SIPA1L2: variants seen among roughly 807,000 people sequenced by gnomAD.
SIPA1L2 encodes the protein signal induced proliferation associated 1 like 2.
A neutral mutation model predicts 163.9 loss-of-function variants in SIPA1L2; 56 were observed. The ratio of observed to expected loss-of-function variants is 0.34; its 90% CI spans 0.28 to 0.43. The LOEUF (loss-of-function observed/expected upper bound fraction) is 0.43. Ranked by LOEUF, SIPA1L2 falls within the 20% of genes least tolerant of loss-of-function variation. The pLI, the probability that SIPA1L2 is intolerant of heterozygous loss-of-function variation, is 1.00. For missense variants in SIPA1L2, 1,974 were observed against 2,193.5 expected (o/e 0.90, Z 2.00); for synonymous variants, 877 against 865.7 (o/e 1.01, Z -0.23).
At chr1:232,434,128 C>T (rs1261703660) in intron 15 of SIPA1L2, among the ~76,000 whole-genome samples, 1 of 152,206 alleles carries the variant, frequency 6.6e-6, no homozygotes, top group African/African-American at 2.4e-5. Flanking sequence ...CGGTAGCAAG[C>T]TCCTCCAGTA....
chr1:232,554,925 A>C (rs1278618761), intron 2 of SIPA1L2, among the ~76,000 whole-genome samples: 1 of 152,250 alleles, frequency 6.6e-6, no homozygotes, highest in Non-Finnish European at 1.5e-5. Flanking sequence ...GCAAAATTAA[A>C]TGTCCCTTTC....
At chr1:232,599,702 C>A (rs10752794) in intron 1 of SIPA1L2, among the ~76,000 whole-genome samples, 1 of 151,898 alleles carries the variant, frequency 6.6e-6, no homozygotes. Flanking sequence ...CTGCTGTAGC[C>A]CCGGGCAAAG....
Position 232,590,603 on chromosome 1 carries a change from G to A in SIPA1L2, c.-318-16381C>T, listed in dbSNP as rs771617536. Among the ~76,000 whole-genome samples, 20 of 152,270 alleles carry A rather than the reference G, an allele frequency of 1.3e-4. No homozygotes were observed. In the East Asian group the frequency reaches 2.5e-3, roughly 19 times the overall value. ...CTCGGGCCCTACCTACTTCCTGAAC[G>A]GGAACATGGCTTAGAGAAGCACATG... On this transcript the variant is annotated intron_variant, in intron 1 of 22. Transcript: ENST00000674635.
In SIPA1L2 at chr1:232,399,021, C is replaced by A; in HGVS notation, c.*106G>T. 2 of 1,502,292 alleles carry A rather than the reference C, an allele frequency of 1.3e-6. No individual in the cohort carries two copies. Among genetic ancestry groups the A allele is most frequent in the South Asian group, 1.3e-5 (1 of 79,002 alleles). The allele number at this position is 1,502,292 out of a possible 1,614,324, so 93.1% of individuals were successfully genotyped here. A position where few individuals can be genotyped will look rare whatever the true frequency, so the allele number is the denominator to read the frequency against. On this transcript the variant is annotated 3_prime_UTR_variant, in exon 23 of 23. Transcript: ENST00000674635. ...AATGGTGCTACACAGAATGGAACAGCAAAAACATCTACGATTGGTTGAAAG... is the reference window on the plus strand; with the variant it reads ...AATGGTGCTACACAGAATGGAACAGAAAAAACATCTACGATTGGTTGAAAG...
At chr1:232,432,126 A>C in intron 16 of SIPA1L2, 121 bp downstream of exon 16, 1 of 790,812 alleles carries the variant, frequency 1.3e-6, no homozygotes, top group Non-Finnish European at 2.0e-6. Flanking sequence ...AGAGTTTAAG[A>C]AAGATGTTTT....
chr1:232,414,246 A>G (rs1283389360), intron 19 of SIPA1L2, among the ~76,000 whole-genome samples: 1 of 152,114 alleles, frequency 6.6e-6, no homozygotes, highest in Non-Finnish European at 1.5e-5. Context: ...GCTGCCTTTC[A>G]CCTACTTCCC....
chr1:232,620,482 T>C (rs1290110604), intron 1 of SIPA1L2, among the ~76,000 whole-genome samples: 1 of 152,220 alleles, frequency 6.6e-6, no homozygotes, highest in African/African-American at 2.4e-5. Context: ...AGGGCCTTGT[T>C]CCTCATTCCA....
chr1:232,402,905 T>C (rs1017479132), intron 21 of SIPA1L2: 1 of 169,400 alleles, frequency 5.9e-6, no homozygotes, highest in African/African-American at 2.4e-5. Flanking sequence ...AAGTTGGAAT[T>C]AAGAATGGAT....
intron 1 of SIPA1L2, among the ~76,000 whole-genome samples, chr1:232,611,645 G>C (rs1037842089): frequency 6.6e-6 from 1 of 152,216 alleles, no homozygotes; most frequent in African/African-American, 2.4e-5. Context: ...AGAGAATTTA[G>C]GGTATCCGGC....
chr1:232,542,927 T>C (rs116538570), intron 2 of SIPA1L2, among the ~76,000 whole-genome samples: 111 of 152,312 alleles, frequency 7.3e-4, no homozygotes, highest in African/African-American at 2.5e-3. Context: ...ACACTGGTAT[T>C]TGCACATGAC....
chr1:232,523,370 G>A (rs530109007), intron 2 of SIPA1L2, among the ~76,000 whole-genome samples: 1 of 152,258 alleles, frequency 6.6e-6, no homozygotes, highest in South Asian at 2.1e-4. Context: ...CTTCTCTCAG[G>A]AGGTTATTAG....
intron 2 of SIPA1L2, among the ~76,000 whole-genome samples, chr1:232,551,439 A>T (rs1658374606): frequency 6.6e-6 from 1 of 152,256 alleles, no homozygotes; most frequent in Non-Finnish European, 1.5e-5. Flanking sequence ...GGGAGGCCTA[A>T]TAACAAACTA....
At chr1:232,553,397 G>C (rs921110431) in intron 2 of SIPA1L2, among the ~76,000 whole-genome samples, 1 of 152,134 alleles carries the variant, frequency 6.6e-6, no homozygotes, top group Admixed American at 6.5e-5. Flanking sequence ...GGCGTAGTGG[G>C]CCAAAAGACA....
chr1:232,417,533 G>A (rs1315962155), intron 18 of SIPA1L2, among the ~76,000 whole-genome samples: 1 of 152,058 alleles, frequency 6.6e-6, no homozygotes, highest in Non-Finnish European at 1.5e-5. Flanking sequence ...AGTGGGAGGT[G>A]GGAAGGAGGG....
intron 17 of SIPA1L2, among the ~76,000 whole-genome samples, chr1:232,428,076 T>G (rs1043244514): frequency 9.9e-5 from 15 of 152,164 alleles, no homozygotes; most frequent in African/African-American, 3.4e-4. Context: ...ATGATCTCCT[T>G]TTTTCAGATG....
At chr1:232,569,040 G>A (rs542978783) in intron 2 of SIPA1L2, among the ~76,000 whole-genome samples, 3 of 152,274 alleles carry the variant, frequency 2.0e-5, no homozygotes, top group African/African-American at 7.2e-5. Flanking sequence ...TGCACTTACA[G>A]AAATTATTCG....
chr1:232,584,964 A>C (rs1355396438), intron 1 of SIPA1L2, among the ~76,000 whole-genome samples: 1 of 152,252 alleles, frequency 6.6e-6, no homozygotes, highest in South Asian at 2.1e-4. Flanking sequence ...GCTGATTTAC[A>C]TCAAACATTC....
At chr1:232,437,453 T>TA (rs559696113) in intron 15 of SIPA1L2, among the ~76,000 whole-genome samples, 14 of 152,114 alleles carry the variant, frequency 9.2e-5, no homozygotes, top group Non-Finnish European at 1.3e-4. Flanking sequence ...ATAGAACTGG[T>TA]AAAAAAAGTA....
chr1:232,605,551 G>A (rs893646720), intron 1 of SIPA1L2, among the ~76,000 whole-genome samples: 10 of 152,112 alleles, frequency 6.6e-5, no homozygotes, highest in African/African-American at 1.7e-4. Context: ...AAAATTAGCC[G>A]GGCATGGTGG....
Sources: allele counts gnomAD v4.1 joint callset (sites outside exome capture counted in the v4.1 genomes callset), GRCh38; gene constraint gnomAD v4.1.1; transcripts MANE v1.5; gene names NCBI Gene and HGNC (gene_info 2026-07-23, HGNC 2026-07-21).